Variants in ANKRD24 observed in about 807,000 individuals in gnomAD.
ANKRD24 encodes ankyrin repeat domain-containing protein 24.
ANKRD24 carries 109 observed loss-of-function variants against 127.8 expected under a neutral mutation model. The observed-to-expected ratio is 0.85, with a 90% CI of 0.73 to 1.00. ANKRD24 has a LOEUF of 1.00. ANKRD24 is among the 50% of genes least tolerant of loss of function. The pLI, the probability that ANKRD24 is intolerant of heterozygous loss-of-function variation, is 0.00. For synonymous variants in ANKRD24, 743 were observed against 671.1 expected (o/e 1.11, Z -1.66); for missense variants, 1,648 against 1,570.2 (o/e 1.05, Z -0.84).
At chr19:4,187,623 C>T (rs12609622) in intron 2 of ANKRD24, among the ~76,000 whole-genome samples, 8,909 of 152,200 alleles carry the variant, frequency 0.059, 595 homozygotes, top group East Asian at 0.18. Context: ...GTCCCTGTGG[C>T]GGCCAATTCA....
At chr19:4,187,303 C>T (rs925001036) in intron 2 of ANKRD24, among the ~76,000 whole-genome samples, 1 of 152,092 alleles carries the variant, frequency 6.6e-6, no homozygotes, top group Non-Finnish European at 1.5e-5. Flanking sequence ...ATCCCAGCTA[C>T]TTGGGAGGCT....
Position 4,195,451 on chromosome 19 carries a change from T to A in ANKRD24, c.37-4232T>A, listed in dbSNP as rs1169275435. 6.6e-6 allele frequency among the ~76,000 whole-genome samples: 1 copy of A among 152,024 alleles called. No individual in the cohort carries two copies. The highest frequency in any genetic ancestry group is 2.4e-5 in the African/African-American group (1 of 41,394). On this transcript the variant is annotated intron_variant, in intron 2 of 21. Transcript: ENST00000318934. The surrounding 1 kb of genome is among the most constrained non-coding windows in gnomAD (Gnocchi z 4.2). Reference sequence around the variant, plus strand: ...GAAACTGAAGCCCTGAGCTGGGAGATCCGTTTCGGTCTCTTCTCTGGAGAA... The same window carrying A: ...GAAACTGAAGCCCTGAGCTGGGAGAACCGTTTCGGTCTCTTCTCTGGAGAA...
chr19:4,203,070 C>T (rs531836050), intron 7 of ANKRD24, 144 bp downstream of exon 7: 16 of 693,412 alleles, frequency 2.3e-5, no homozygotes, highest in Admixed American at 6.5e-5. Flanking sequence ...TTTTTTGAGA[C>T]GGAGTCTCAC....
At chr19:4,190,983 A>G (rs1029926363) in intron 2 of ANKRD24, among the ~76,000 whole-genome samples, 5 of 152,200 alleles carry the variant, frequency 3.3e-5, no homozygotes, top group African/African-American at 1.2e-4. Context: ...GTGTTTTGAT[A>G]TGTTTGCAAT....
intron 14 of ANKRD24, 38 bp downstream of exon 14, chr19:4,212,551 G>A (rs77537445): frequency 9.7e-6 from 15 of 1,548,496 alleles, no homozygotes; most frequent in African/African-American, 6.9e-5. Flanking sequence ...TCCTCCTGCT[G>A]CCCAGCCTTT....
Position 4,212,460 on chromosome 19 carries a change from T to C in ANKRD24, c.1060-15T>C. ...TTGCCCAGATCCAAACCCCTGTCCC[T>C]GTTTCTCCCGTCAGTCCCCGGAGGC... is the stretch of plus-strand genomic sequence containing the variant. On this transcript the variant is annotated splice_polypyrimidine_tract_variant and intron_variant, in intron 13 of 21. Coordinates refer to ENST00000318934, the MANE Select transcript of ANKRD24 (RefSeq NM_001393985.1). 1 of 1,575,382 alleles carries C rather than the reference T, an allele frequency of 6.3e-7. No individual in the cohort carries two copies. The highest frequency in any genetic ancestry group is 1.2e-5 in the South Asian group (1 of 85,382).
chr19:4,215,250 C>G (rs1166191612), intron 15 of ANKRD24, among the ~76,000 whole-genome samples: 2 of 152,224 alleles, frequency 1.3e-5, no homozygotes, highest in Non-Finnish European at 2.9e-5. Flanking sequence ...CTTTGGGAGG[C>G]CAAGGCGGGT....
intron 8 of ANKRD24, 71 bp from the exon 9 acceptor site, chr19:4,207,430 A>G: frequency 6.4e-7 from 1 of 1,569,544 alleles, no homozygotes; most frequent in South Asian, 1.1e-5. Context: ...ACTCAAGGGC[A>G]GTTATATAGG....
At chr19:4,182,835 C>T (rs920671499) in intron 1 of ANKRD24, 95 bp downstream of exon 1, 5 of 741,936 alleles carry the variant, frequency 6.7e-6, no homozygotes, top group Admixed American at 6.3e-5. Flanking sequence ...CTCTAAAATG[C>T]GGGACACAGG....
chr19:4,202,012 C>A lies in ANKRD24; in HGVS notation c.344-14C>A, dbSNP rs1228233719. 2 of 1,613,506 alleles carry A rather than the reference C, an allele frequency of 1.2e-6. No homozygotes were observed. The highest frequency in any genetic ancestry group is 1.7e-6 in the Non-Finnish European group (2 of 1,179,616). On this transcript the variant is annotated splice_polypyrimidine_tract_variant and intron_variant, in intron 5 of 21. Coordinates refer to ENST00000318934, the MANE Select transcript of ANKRD24 (RefSeq NM_001393985.1). ...AATAGCTGGAGCTCCAGTAAATCTT[C>A]TTTCCTTCCCCAGGTTACAATGCCC...
chr19:4,183,467 C>A, intron 1 of ANKRD24: 1 of 490,466 alleles, frequency 2.0e-6, no homozygotes, highest in Non-Finnish European at 2.6e-6. Flanking sequence ...TGGACACAAA[C>A]ATGTGACCAG....
intron 15 of ANKRD24, among the ~76,000 whole-genome samples, chr19:4,213,004 G>A (rs910577858): frequency 6.6e-6 from 1 of 152,120 alleles, no homozygotes; most frequent in East Asian, 1.9e-4. Context: ...GGTGGTGCGC[G>A]CCTGTAGTCC....
intron 2 of ANKRD24, among the ~76,000 whole-genome samples, chr19:4,192,767 C>A (rs974750412): frequency 6.7e-6 from 1 of 149,960 alleles, no homozygotes. Context: ...CCCATCTCTT[C>A]AAAAAAAATT....
At chr19:4,196,996 T>C (rs956555961) in intron 2 of ANKRD24, among the ~76,000 whole-genome samples, 1 of 152,174 alleles carries the variant, frequency 6.6e-6, no homozygotes, top group Non-Finnish European at 1.5e-5. Context: ...GCTCTTTCTG[T>C]GAGGAACGAG....
intron 13 of ANKRD24, 99 bp from the exon 14 acceptor site, chr19:4,212,376 A>C: frequency 1.5e-6 from 2 of 1,376,152 alleles, no homozygotes; most frequent in Non-Finnish European, 2.0e-6. Flanking sequence ...TTGCACGTGG[A>C]ATGCGTGAAT....
chr19:4,215,875 G>C, intron 15 of ANKRD24, 103 bp from the exon 16 acceptor site: 1 of 840,116 alleles, frequency 1.2e-6, no homozygotes, highest in Non-Finnish European at 1.9e-6. Flanking sequence ...GCTCGTGGGA[G>C]ACATACAGGT....
intron 2 of ANKRD24, among the ~76,000 whole-genome samples, chr19:4,196,097 G>A (rs1968719556): frequency 6.6e-6 from 1 of 152,278 alleles, no homozygotes; most frequent in South Asian, 2.1e-4. Flanking sequence ...ACCCTGCAGT[G>A]CCCAGGACAG....
At chr19:4,193,846 A>AGGGAGGGAG (rs113209299) in intron 2 of ANKRD24, among the ~76,000 whole-genome samples, 1,055 of 51,298 alleles carry the variant, frequency 0.021, 117 homozygotes, top group African/African-American at 0.048. Flanking sequence ...GGAGGGAGGG[A>AGGGAGGGAG]GGAAGGAAGG....
rs745437345 is a variant in ANKRD24 at position 4,212,469 on chromosome 19, C to T, written c.1060-6C>T. On this transcript the variant is annotated splice_region_variant and splice_polypyrimidine_tract_variant and intron_variant, in intron 13 of 21. Transcript: ENST00000318934. ...TCCAAACCCCTGTCCCTGTTTCTCC[C>T]GTCAGTCCCCGGAGGCCAGCTCCCT... The T allele has an allele frequency of 1.1e-4, 166 of 1,575,056 alleles. No homozygotes were observed. Among genetic ancestry groups the T allele is most frequent in the Middle Eastern group, 2.3e-4 (1 of 4,404 alleles).
Sources: allele counts gnomAD v4.1 joint callset (sites outside exome capture counted in the v4.1 genomes callset), GRCh38; gene constraint gnomAD v4.1.1; non-coding constraint Gnocchi (gnomAD v3.1); transcripts MANE v1.5; gene names NCBI Gene and HGNC (gene_info 2026-07-23, HGNC 2026-07-21).